Variants in DDX5 observed in about 807,000 individuals in gnomAD.
DDX5 encodes the protein probable ATP-dependent RNA helicase DDX5.
A neutral mutation model predicts 68.6 loss-of-function variants in DDX5; 6 were observed. That is an observed-to-expected ratio of 0.09 (90% confidence interval 0.05 to 0.17). The LOEUF (loss-of-function observed/expected upper bound fraction) is 0.17. DDX5 is among the 10% of genes least tolerant of loss of function. The pLI is 1.00. For synonymous variants in DDX5, 350 were observed against 247.0 expected, an observed-to-expected ratio of 1.42 and a Z score of -3.91; for missense variants, 499 against 756.1, an observed-to-expected ratio of 0.66 and a Z score of 3.99.
chr17:64,501,382 G>C (rs1366718141), intron 11 of DDX5: 3 of 158,616 alleles, frequency 1.9e-5, no homozygotes, highest in Non-Finnish European at 2.8e-5. Flanking sequence ...CTACTGTGTA[G>C]GTGAGGGAGG....
chr17:64,506,241 G>T lies in DDX5; in HGVS notation c.-122C>A. The T allele has an allele frequency of 6.5e-7, 1 of 1,549,646 alleles. No homozygotes were observed. Among genetic ancestry groups the T allele is most frequent in the Non-Finnish European group, 8.7e-7 (1 of 1,147,646 alleles). ...GCGGCAGCGGAGGAAGGACACCGATGACACCAGCCGAAGCTGCACTACTAG... is the reference window on the plus strand; with the variant it reads ...GCGGCAGCGGAGGAAGGACACCGATTACACCAGCCGAAGCTGCACTACTAG... On this transcript the variant is annotated 5_prime_UTR_variant, in exon 1 of 13. Coordinates refer to ENST00000225792, the MANE Select transcript of DDX5 (RefSeq NM_004396.5).
At chr17:64,504,341 C>T (rs1212833767) in intron 2 of DDX5, 23 bp from the exon 3 acceptor site, 1 of 1,595,862 alleles carries the variant, frequency 6.3e-7, no homozygotes, top group Non-Finnish European at 8.6e-7. Flanking sequence ...TTATAACAGT[C>T]TTAAAATTCA....
At chr17:64,501,048 T>C (rs1171745413) in intron 11 of DDX5, 1 of 489,600 alleles carries the variant, frequency 2.0e-6, no homozygotes, top group Non-Finnish European at 3.7e-6. Context: ...AATCAGCAAG[T>C]TCCCTTACAG....
chr17:64,505,288 A>C (rs1357729776), intron 1 of DDX5: 8 of 314,216 alleles, frequency 2.5e-5, no homozygotes, highest in South Asian at 4.2e-5. Context: ...GTAAGAACCT[A>C]AACAGTACAG....
intron 1 of DDX5, chr17:64,505,096 G>A (rs549206580): frequency 7.4e-5 from 28 of 378,882 alleles, no homozygotes; most frequent in African/African-American, 4.2e-4. Context: ...GATTTATCAT[G>A]TCGGAAACTT....
chr17:64,506,020 A>AACCCCCCCCCCCCCCCCC, intron 1 of DDX5, 56 bp downstream of exon 1: 39 of 868,038 alleles, frequency 4.5e-5, no homozygotes, highest in East Asian at 8.8e-5. Context: ...CGCCACCCTG[A>AACCCCCCCCCCCCCCCCC]CCCGCCCTCC....
chr17:64,502,853 C>G, intron 8 of DDX5, 73 bp downstream of exon 8: 1 of 1,415,760 alleles, frequency 7.1e-7, no homozygotes, highest in Non-Finnish European at 9.5e-7. Flanking sequence ...TAAAACAACT[C>G]ACCAAACAAT....
In DDX5 at chr17:64,502,489, C is replaced by T; in HGVS notation, c.1044G>A (p.Val348=). The change falls in exon 9 of 13, where the codon GTG becomes GTA. Residue 348 remains valine (V), a synonymous_variant. Transcript: ENST00000225792. ...SEKENKTIVF[V]ETKRRCDELT... ...GCTCATCACATCTTCTTTTGGTTTCCACAAAAACAATGGTTTTATTCTCCT... is the reference window on the plus strand; with the variant it reads ...GCTCATCACATCTTCTTTTGGTTTCTACAAAAACAATGGTTTTATTCTCCT... 6.2e-7 allele frequency: 1 copy of T among 1,613,794 alleles called. No individual in the cohort carries two copies. The highest frequency in any genetic ancestry group is 1.1e-5 in the South Asian group (1 of 91,074).
In DDX5 at chr17:64,500,334, G is replaced by A. The variant is rs1435594614; in HGVS notation, c.1442-8C>T. 3 of 1,594,362 alleles carry A rather than the reference G, an allele frequency of 1.9e-6. No homozygotes were observed. Among genetic ancestry groups the A allele is most frequent in the Non-Finnish European group, 2.6e-6 (3 of 1,169,938 alleles). ...CTCTACCCCTGGAACGACCTGTCAAGAAAACAATTGCAAATTGATCAATTA... is the reference window on the plus strand; with the variant it reads ...CTCTACCCCTGGAACGACCTGTCAAAAAAACAATTGCAAATTGATCAATTA... On this transcript the variant is annotated splice_polypyrimidine_tract_variant and splice_region_variant and intron_variant, in intron 12 of 12. Transcript: ENST00000225792.
rs782245132 is a variant in DDX5, at chr17:64,498,537, C to G, written c.*1386G>C. On this transcript the variant is annotated 3_prime_UTR_variant, in exon 13 of 13. Coordinates refer to ENST00000225792, the MANE Select transcript of DDX5 (RefSeq NM_004396.5). The stretch of plus-strand genomic sequence containing the variant: ...CCATTGAAAACCATCCAGGTTACTA[C>G]AGGCTGAATTAGTTTTCAATGTCTA... Among the ~76,000 whole-genome samples the G allele has an allele frequency of 6.6e-6, 1 of 152,204 alleles. No individual in the cohort carries two copies.
Position 64,499,170 on chromosome 17 carries a change from A to G in DDX5, c.*753T>C, listed in dbSNP as rs1164638843. ...GGTTTGTTCAACATTTCAGTAATTC[A>G]CAGTATAGCCAAGAGCATGAGTATA... On this transcript the variant is annotated 3_prime_UTR_variant, in exon 13 of 13. Coordinates refer to ENST00000225792, the MANE Select transcript of DDX5 (RefSeq NM_004396.5). Among the ~76,000 whole-genome samples the G allele has an allele frequency of 6.6e-6, 1 of 152,222 alleles. No individual in the cohort carries two copies. Among genetic ancestry groups the G allele is most frequent in the African/African-American group, 2.4e-5 (1 of 41,450 alleles).
intron 11 of DDX5, 183 bp from the exon 12 acceptor site, chr17:64,500,956 G>A (rs1166578637): frequency 3.3e-6 from 2 of 601,240 alleles, no homozygotes; most frequent in African/African-American, 1.9e-5. Context: ...AGAAAAAAAA[G>A]CACATGTCAT....
intron 8 of DDX5, 137 bp downstream of exon 8, chr17:64,502,789 A>T (rs1372297252): frequency 1.3e-5 from 12 of 926,714 alleles, no homozygotes; most frequent in Non-Finnish European, 1.9e-5. Flanking sequence ...AGGATTCAAG[A>T]AATTTTCAGG....
intron 9 of DDX5, 43 bp downstream of exon 9, chr17:64,502,396 G>A (rs2038319059): frequency 2.6e-6 from 4 of 1,515,490 alleles, no homozygotes; most frequent in Non-Finnish European, 3.7e-6. Context: ...CCTTTCCTAA[G>A]CTGTTTTAAT....
At chr17:64,501,007 A>T in intron 11 of DDX5, 1 of 564,056 alleles carries the variant, frequency 1.8e-6, no homozygotes, top group Non-Finnish European at 3.2e-6. Flanking sequence ...ACCCTGTCAA[A>T]AGGAATGTGT....
At chr17:64,506,440 C>T (rs1160216427), upstream of DDX5, 73 of 1,339,160 alleles carry the variant, frequency 5.5e-5, no homozygotes, top group Non-Finnish European at 6.7e-5. Context: ...GCTTTCACCC[C>T]TCCCCGCGCC....
intron 1 of DDX5, 187 bp downstream of exon 1, chr17:64,505,889 T>G: frequency 6.5e-7 from 1 of 1,535,654 alleles, no homozygotes; most frequent in Non-Finnish European, 8.7e-7. Context: ...TTGAAGACAC[T>G]ACACCGTCAA....
chr17:64,502,011 T>G lies in DDX5; in HGVS notation c.1215A>C (p.Leu405=). 2 of 1,614,200 alleles carry G rather than the reference T, an allele frequency of 1.2e-6. No individual in the cohort carries two copies. The highest frequency in any genetic ancestry group is 1.7e-6 in the Non-Finnish European group (2 of 1,180,000). ...LIATDVASRG[L]DVEDVKFVIN... ...CCATGAATGCGAGTTTGTACTAACC[T>G]AGCCCTCTGGAGGCCACATCTGTAG... Residue 405 remains leucine (L), a splice_region_variant and synonymous_variant, in exon 11 of 13, where the codon CTA becomes CTC. Transcript: ENST00000225792.
upstream of DDX5, chr17:64,506,834 C>T (rs2038556943): frequency 1.7e-6 from 1 of 599,108 alleles, no homozygotes; most frequent in African/African-American, 1.9e-5. Flanking sequence ...GTCTGATAAT[C>T]CTTTGACGGG....
Sources: gnomAD v4.1 joint callset for allele counts (sites outside exome capture counted in the v4.1 genomes callset) on GRCh38, gnomAD v4.1.1 for gene constraint, MANE v1.5 for transcripts, NCBI Gene and HGNC (gene_info 2026-07-23, HGNC 2026-07-21) for gene names.